TAMM41: variants seen among roughly 807,000 people sequenced by gnomAD.
TAMM41 encodes TAM41 mitochondrial translocator assembly and maintenance homolog.
TAMM41 carries 36 observed loss-of-function variants against 44.1 expected under a neutral mutation model. That is an observed-to-expected ratio of 0.82 (90% CI 0.63 to 1.08). The LOEUF (loss-of-function observed/expected upper bound fraction) is 1.08, where lower values mean the gene tolerates loss of function less well. TAMM41 is among the 50% of genes least tolerant of loss of function. The pLI is 0.00. For missense variants in TAMM41, 417 were observed against 404.3 expected (o/e 1.03, Z -0.27); for synonymous variants, 164 against 153.1 (o/e 1.07, Z -0.53).
chr3:11,797,326 A>G (rs1372689832), intron 7 of TAMM41, among the ~76,000 whole-genome samples: 2 of 152,128 alleles, frequency 1.3e-5, no homozygotes, highest in African/African-American at 4.8e-5. Flanking sequence ...AGAACAGAGA[A>G]CCCGGAAATA....
At chr3:11,826,168 C>A (rs2078738867) in intron 4 of TAMM41, among the ~76,000 whole-genome samples, 1 of 152,148 alleles carries the variant, frequency 6.6e-6, no homozygotes, top group Non-Finnish European at 1.5e-5. Context: ...GAAAACCCAT[C>A]TGACCAACAA....
chr3:11,766,487 A>G, the TAMM41 span, among the ~76,000 whole-genome samples: 6 of 152,106 alleles, frequency 3.9e-5, no homozygotes, highest in South Asian at 2.1e-4. Flanking sequence ...TTATTTTGGA[A>G]GGAGAAGTAC....
chr3:11,745,664 A>T, the TAMM41 span, among the ~76,000 whole-genome samples: 1 of 152,210 alleles, frequency 6.6e-6, no homozygotes, highest in Non-Finnish European at 1.5e-5. Context: ...AGTGGTTGCC[A>T]GGAGCTGTGG....
intron 4 of TAMM41, 87 bp downstream of exon 4, chr3:11,829,627 C>T: frequency 4.1e-6 from 6 of 1,480,624 alleles, no homozygotes; most frequent in Non-Finnish European, 4.7e-6. Flanking sequence ...ACTGTAGCAG[C>T]TCCAGGGCCG....
chr3:11,776,232 A>T, the TAMM41 span, among the ~76,000 whole-genome samples: 5 of 151,574 alleles, frequency 3.3e-5, no homozygotes, highest in African/African-American at 7.3e-5. Flanking sequence ...GTTAGCCAGG[A>T]TGGTCTTGAT....
chr3:11,801,887 A>C (rs1296504716), intron 7 of TAMM41, among the ~76,000 whole-genome samples: 4 of 152,222 alleles, frequency 2.6e-5, no homozygotes. Flanking sequence ...GCAGAACTAA[A>C]TAAAATGGAG....
At chr3:11,739,221 T>G in the TAMM41 span, among the ~76,000 whole-genome samples, 2 of 152,170 alleles carry the variant, frequency 1.3e-5, no homozygotes, top group Non-Finnish European at 1.5e-5. Flanking sequence ...GTTACCAGGC[T>G]GTACTGTCAC....
chr3:11,844,455 A>G (rs1349059341), intron 1 of TAMM41, among the ~76,000 whole-genome samples: 1 of 152,218 alleles, frequency 6.6e-6, no homozygotes, highest in Non-Finnish European at 1.5e-5. Context: ...TATGGGTAAC[A>G]TACGCAGTCA....
downstream of TAMM41, among the ~76,000 whole-genome samples, chr3:11,787,798 T>C (rs527872789): frequency 8.2e-4 from 124 of 152,054 alleles, 1 homozygote; most frequent in Non-Finnish European, 6.5e-4. Flanking sequence ...CTGGAAAGAG[T>C]TGAGAACCAA....
chr3:11,807,792 A>ACACG lies in TAMM41; in HGVS notation c.937+40_937+41insCGTG, dbSNP rs749099107. The ACACG allele has an allele frequency of 3.3e-6, 5 of 1,536,158 alleles. No homozygotes were observed. The South Asian group carries it at 5.9e-5, about 18-fold the overall frequency. The stretch of plus-strand genomic sequence containing the variant: ...GTAACCAAGAGTGTGGAAGCCACTC[A>ACACG]GTCAGCAGGTATGTTACACACGGAT... On this transcript the variant is annotated intron_variant, in intron 7 of 7. Transcript: ENST00000455809.
intron 3 of TAMM41, among the ~76,000 whole-genome samples, chr3:11,837,721 G>A (rs750269695): frequency 6.6e-6 from 1 of 152,210 alleles, no homozygotes; most frequent in Non-Finnish European, 1.5e-5. Context: ...GGACGCATCA[G>A]TGGACAAACG....
chr3:11,729,442 A>C, the TAMM41 span, among the ~76,000 whole-genome samples: 2 of 150,324 alleles, frequency 1.3e-5, no homozygotes, highest in African/African-American at 2.4e-5. Context: ...CTGTAGGTGG[A>C]ATACAACAAC....
intron 7 of TAMM41, among the ~76,000 whole-genome samples, chr3:11,795,940 T>C (rs1247324739): frequency 6.6e-6 from 1 of 152,224 alleles, no homozygotes; most frequent in Non-Finnish European, 1.5e-5. Flanking sequence ...GTTGCTGATC[T>C]GATGAGAATG....
At chr3:11,810,726 C>T (rs558502862) in intron 5 of TAMM41, 1 of 152,192 alleles carries the variant, frequency 6.6e-6, no homozygotes, top group African/African-American at 2.4e-5. Context: ...AATTAGAATC[C>T]ACTCATTCTA....
Position 11,846,809 on chromosome 3 carries a change from GC to G in TAMM41, c.-174del. 1.3e-6 allele frequency: 1 copy of G among 787,994 alleles called. No individual in the cohort carries two copies. The highest frequency in any genetic ancestry group is 2.0e-6 in the Non-Finnish European group (1 of 504,806). The allele number at this position is 787,994 out of a possible 1,614,324, so 48.8% of individuals were successfully genotyped here. ...GCACACGCAAGGATTGGGGCGTTGG[GC>G]CACGAAGAGCAGCGGCGAGAAGACG... On this transcript the variant is annotated 5_prime_UTR_variant, in exon 1 of 8. Transcript: ENST00000455809.
chr3:11,806,505 G>A (rs1464378586), intron 7 of TAMM41, among the ~76,000 whole-genome samples: 2 of 152,074 alleles, frequency 1.3e-5, no homozygotes, highest in African/African-American at 4.8e-5. Flanking sequence ...TCAACAGAAG[G>A]GTTGGAAGCT....
the TAMM41 span, among the ~76,000 whole-genome samples, chr3:11,772,717 T>G: frequency 3.3e-5 from 5 of 152,290 alleles, no homozygotes; most frequent in South Asian, 1.0e-3. Flanking sequence ...GTAGTTCTAT[T>G]TTTAGTTCTT....
the TAMM41 span, among the ~76,000 whole-genome samples, chr3:11,783,078 C>T: frequency 6.6e-6 from 1 of 152,238 alleles, no homozygotes; most frequent in African/African-American, 2.4e-5. Flanking sequence ...ACAAGAGCTT[C>T]TCCTTTCTAA....
chr3:11,771,823 T>C, the TAMM41 span, among the ~76,000 whole-genome samples: 3 of 152,300 alleles, frequency 2.0e-5, no homozygotes, highest in African/African-American at 7.2e-5. Context: ...CCTCAGGTGA[T>C]CGACCCACCT....
Sources: gnomAD v4.1 joint callset for allele counts (sites outside exome capture counted in the v4.1 genomes callset) on GRCh38, gnomAD v4.1.1 for gene constraint, MANE v1.5 for transcripts, NCBI Gene and HGNC (gene_info 2026-07-23, HGNC 2026-07-21) for gene names.